Variants in CAB39 observed in about 807,000 individuals in gnomAD.
The protein encoded by CAB39 is calcium-binding protein 39.
In CAB39, 8 loss-of-function variants were observed where a neutral mutation model predicts 40.0. The ratio of observed to expected loss-of-function variants is 0.20; its 90% CI spans 0.12 to 0.36. The LOEUF is 0.36. Among genes scored for constraint, CAB39 ranks in the 10% least tolerant of loss-of-function variants. The pLI is 1.00. For synonymous variants in CAB39, 156 were observed against 141.6 expected, an observed-to-expected ratio of 1.10 and a Z score of -0.72; for missense variants, 270 against 401.1, an observed-to-expected ratio of 0.67 and a Z score of 2.79.
chr2:230,809,829 T>C (rs1012293476), intron 5 of CAB39, among the ~76,000 whole-genome samples: 1 of 152,254 alleles, frequency 6.6e-6, no homozygotes, highest in African/African-American at 2.4e-5. Flanking sequence ...TAATCCTTTT[T>C]CTAATAAAAG....
At chr2:230,721,977 T>C (rs1694461557) in intron 1 of CAB39, among the ~76,000 whole-genome samples, 1 of 152,142 alleles carries the variant, frequency 6.6e-6, no homozygotes, top group African/African-American at 2.4e-5. Flanking sequence ...AAGCATTTAC[T>C]TACTAATTCG....
At chr2:230,771,274 CTTG>C (rs2124931448) in intron 2 of CAB39, among the ~76,000 whole-genome samples, 1 of 151,652 alleles carries the variant, frequency 6.6e-6, no homozygotes, top group South Asian at 2.1e-4. Context: ...TTAAAAATAC[CTTG>C]TATTCAAGAG....
intron 2 of CAB39, among the ~76,000 whole-genome samples, chr2:230,777,625 C>A (rs1427887262): frequency 6.6e-6 from 1 of 152,062 alleles, no homozygotes; most frequent in Non-Finnish European, 1.5e-5. Context: ...CCAGGCTGGT[C>A]TTGAACTCCT....
At position 230,818,904 on chromosome 2, in the gene CAB39, T is replaced by G. The variant is rs1696453376; in HGVS notation, c.*200T>G. 2.0e-6 allele frequency: 1 copy of G among 510,212 alleles called. No homozygotes were observed. The highest frequency in any genetic ancestry group is 3.5e-6 in the Non-Finnish European group (1 of 282,954). 31.6% of individuals were successfully genotyped at this position (510,212 alleles called of 1,614,324 possible). The stretch of plus-strand genomic sequence containing the variant: ...TTGCACACTAGGGCACATGTGGGCT[T>G]TCTCTTGATCTTTGTGTCATTTCAG... On this transcript the variant is annotated 3_prime_UTR_variant, in exon 9 of 9. Transcript: ENST00000258418.
At chr2:230,754,325 CCTT>C (rs763588621) in intron 1 of CAB39, among the ~76,000 whole-genome samples, 253 of 138,244 alleles carry the variant, frequency 1.8e-3, no homozygotes, top group African/African-American at 4.2e-3. Flanking sequence ...CTTCCTTCTT[CCTT>C]CTTCTTCCTT....
intron 5 of CAB39, among the ~76,000 whole-genome samples, chr2:230,806,409 T>A (rs760368096): frequency 6.6e-6 from 1 of 152,156 alleles, no homozygotes; most frequent in Non-Finnish European, 1.5e-5. Flanking sequence ...AGGAGCTAAC[T>A]GATAGTCTCA....
At chr2:230,747,624 G>A (rs902223704) in intron 1 of CAB39, among the ~76,000 whole-genome samples, 1 of 152,182 alleles carries the variant, frequency 6.6e-6, no homozygotes, top group Non-Finnish European at 1.5e-5. Context: ...TTAACTTGCT[G>A]GCAAATAAGG....
chr2:230,758,643 T>C lies in CAB39; in HGVS notation c.-43-1316T>C, dbSNP rs568322038. ...TAGGTAAAGCTCAAAAGAAGTGTTA[T>C]GATACTATGCAATGGATGTATTTTT... On this transcript the variant is annotated intron_variant, in intron 1 of 8. Coordinates refer to ENST00000258418, the MANE Select transcript of CAB39 (RefSeq NM_016289.4). Among the ~76,000 whole-genome samples, 6 of 152,348 alleles carry C rather than the reference T, an allele frequency of 3.9e-5. No individual in the cohort carries two copies. The East Asian group carries it at 7.7e-4, about 20-fold the overall frequency.
intron 1 of CAB39, among the ~76,000 whole-genome samples, chr2:230,736,114 A>G (rs1318127665): frequency 2.0e-5 from 3 of 152,164 alleles, no homozygotes; most frequent in African/African-American, 7.2e-5. Context: ...TTTGCTGCAC[A>G]TTGTACATGT....
chr2:230,772,979 C>CAAAAAA (rs1402536381), intron 2 of CAB39, among the ~76,000 whole-genome samples: 2 of 60,910 alleles, frequency 3.3e-5, no homozygotes, highest in Non-Finnish European at 5.6e-5. Flanking sequence ...TACTACTCAG[C>CAAAAAA]AATAAAAAAA....
chr2:230,749,441 A>C (rs1449488837), intron 1 of CAB39, among the ~76,000 whole-genome samples: 1 of 152,226 alleles, frequency 6.6e-6, no homozygotes, highest in Non-Finnish European at 1.5e-5. Context: ...ATATTTAGAA[A>C]AAAAGTATTA....
chr2:230,814,695 T>C (rs1696368877), intron 7 of CAB39, among the ~76,000 whole-genome samples: 1 of 152,222 alleles, frequency 6.6e-6, no homozygotes, highest in Non-Finnish European at 1.5e-5. Flanking sequence ...TTACATATTG[T>C]CTGTGGCTGT....
chr2:230,763,123 T>C lies in CAB39; in HGVS notation c.114+3008T>C, dbSNP rs139085836. ...AACTCATTACAAGTTATAAATAATG[T>C]GTTTTAATGAAAAATAACCATATTG... On this transcript the variant is annotated intron_variant, in intron 2 of 8. Transcript: ENST00000258418. Among the ~76,000 whole-genome samples the C allele has an allele frequency of 7.3e-3, 1,115 of 152,344 alleles. 17 individuals are homozygous for C. Among genetic ancestry groups the C allele is most frequent in the African/African-American group, 0.025 (1,041 of 41,576 alleles).
intron 1 of CAB39, 34 bp from the exon 2 acceptor site, chr2:230,759,925 T>C (rs1410553971): frequency 9.9e-6 from 7 of 710,472 alleles, no homozygotes; most frequent in Non-Finnish European, 1.7e-5. Context: ...TTGATCCCAG[T>C]GTTTGCTCAC....
intron 2 of CAB39, among the ~76,000 whole-genome samples, chr2:230,779,804 A>G (rs1173884720): frequency 1.3e-5 from 2 of 152,240 alleles, no homozygotes. Context: ...TGCTGTAGGC[A>G]TCAGAGGAGG....
chr2:230,784,129 A>G (rs1695746426), intron 2 of CAB39, among the ~76,000 whole-genome samples: 1 of 152,128 alleles, frequency 6.6e-6, no homozygotes. Flanking sequence ...GGATAAATGG[A>G]TGGATTTGGG....
At chr2:230,771,717 GGTT>G (rs1447103148) in intron 2 of CAB39, among the ~76,000 whole-genome samples, 1 of 152,112 alleles carries the variant, frequency 6.6e-6, no homozygotes, top group Non-Finnish European at 1.5e-5. Context: ...AAAAAGCTAC[GGTT>G]GTTAAAACAG....
Position 230,780,052 on chromosome 2 carries a change from G to A in CAB39, c.115-10820G>A, listed in dbSNP as rs371207904. On this transcript the variant is annotated intron_variant, in intron 2 of 8. Transcript: ENST00000258418. ...ATCTGGTCCAGTTCCCTTAATTATC[G>A]GATGGTCCAGTAAGACCCAACAGGT... Among the ~76,000 whole-genome samples the A allele has an allele frequency of 3.3e-4, 50 of 152,188 alleles. 1 individual carries two copies. The South Asian group carries it at 6.2e-3, about 19-fold the overall frequency.
chr2:230,802,114 C>CA (rs1358849661), intron 5 of CAB39, among the ~76,000 whole-genome samples: 1 of 152,076 alleles, frequency 6.6e-6, no homozygotes, highest in Non-Finnish European at 1.5e-5. Flanking sequence ...TTCTGCCACT[C>CA]AAAACCACAC....
Sources: gnomAD v4.1 joint callset for allele counts (sites outside exome capture counted in the v4.1 genomes callset) on GRCh38, gnomAD v4.1.1 for gene constraint, MANE v1.5 for transcripts, NCBI Gene and HGNC (gene_info 2026-07-23, HGNC 2026-07-21) for gene names.